ASTN1: variants seen among roughly 807,000 people sequenced by gnomAD.
ASTN1 encodes astrotactin 1.
Under a neutral mutation model 140.7 loss-of-function variants are expected in ASTN1, and 41 were observed. The observed-to-expected ratio is 0.29, with a 90% CI of 0.23 to 0.38. ASTN1 has a LOEUF of 0.38. ASTN1 is among the 10% of genes least tolerant of loss of function. ASTN1 has a pLI of 1.00. For synonymous variants in ASTN1, 640 were observed against 652.2 expected, an observed-to-expected ratio of 0.98 and a Z score of 0.29; for missense variants, 1,479 against 1,678.8, an observed-to-expected ratio of 0.88 and a Z score of 2.08.
chr1:176,891,511 AAGCC>A (rs1669265187), intron 17 of ASTN1, among the ~76,000 whole-genome samples: 1 of 152,146 alleles, frequency 6.6e-6, no homozygotes, highest in Non-Finnish European at 1.5e-5. Flanking sequence ...ATGTAGATAC[AAGCC>A]GGGCACGGTG....
At chr1:176,977,570 T>G (rs1379835313) in intron 8 of ASTN1, among the ~76,000 whole-genome samples, 2 of 152,224 alleles carry the variant, frequency 1.3e-5, no homozygotes, top group African/African-American at 4.8e-5. Context: ...ACTATGGCAT[T>G]TATTTTGTCA....
chr1:176,903,142 G>A (rs1417884133), intron 16 of ASTN1, among the ~76,000 whole-genome samples: 1 of 152,144 alleles, frequency 6.6e-6, no homozygotes, highest in African/African-American at 2.4e-5. Context: ...CTCACCATAG[G>A]CAAGGCTGGG....
chr1:176,921,220 G>T (rs1312578156), intron 16 of ASTN1, among the ~76,000 whole-genome samples: 5 of 152,074 alleles, frequency 3.3e-5, no homozygotes, highest in Non-Finnish European at 5.9e-5. Context: ...TTATATATTT[G>T]TATTTTTCCT....
intron 1 of ASTN1, among the ~76,000 whole-genome samples, chr1:177,066,158 C>T (rs1190118096): frequency 6.6e-6 from 1 of 152,204 alleles, no homozygotes; most frequent in Non-Finnish European, 1.5e-5. Flanking sequence ...CTAACCCAAA[C>T]TCCACTTCTC....
In ASTN1 at chr1:176,957,793, A is replaced by G; in HGVS notation, c.1772T>C (p.Leu591Pro). Residue 591 changes from leucine to proline, a missense_variant, in exon 11 of 23, where the codon CTG becomes CCG. Leu to Pro is a moderately conservative substitution (Grantham distance 98). This residue lies in a region of ASTN1 where 729 missense variants were observed against 860.4 expected (regional missense o/e 0.85). Transcript: ENST00000361833. ...ELMTSSSFDS[L>P]EVLLDSFGPV... ...CCCAAAGGAATCTAAGAGAACCTCC[A>G]GGCTGTCGAAGGAGGATGAAGTCAT... 1 of 1,614,010 alleles carries G rather than the reference A, an allele frequency of 6.2e-7. No homozygotes were observed. The highest frequency in any genetic ancestry group is 8.5e-7 in the Non-Finnish European group (1 of 1,179,964).
intron 1 of ASTN1, among the ~76,000 whole-genome samples, chr1:177,075,503 C>T (rs1407129028): frequency 6.6e-6 from 1 of 151,532 alleles, no homozygotes; most frequent in Admixed American, 6.6e-5. Context: ...AGAATGATAT[C>T]CCACTTTGTG....
chr1:177,050,769 T>C (rs1421917550), intron 2 of ASTN1, among the ~76,000 whole-genome samples: 2 of 152,230 alleles, frequency 1.3e-5, no homozygotes, highest in Non-Finnish European at 2.9e-5. Context: ...CTCTTAAAGA[T>C]ACGTAACAGT....
intron 5 of ASTN1, among the ~76,000 whole-genome samples, chr1:177,025,111 G>A (rs1429655845): frequency 1.3e-5 from 2 of 152,174 alleles, no homozygotes; most frequent in African/African-American, 4.8e-5. Flanking sequence ...ACCTCCCATC[G>A]CTCTTCACAG....
At chr1:176,977,876 G>A (rs1673433806) in intron 8 of ASTN1, among the ~76,000 whole-genome samples, 1 of 152,218 alleles carries the variant, frequency 6.6e-6, no homozygotes, top group Admixed American at 6.5e-5. Context: ...ACTAAGGAGA[G>A]TCACTGGGCT....
At chr1:177,077,198 G>C (rs1385500802) in intron 1 of ASTN1, among the ~76,000 whole-genome samples, 4 of 152,084 alleles carry the variant, frequency 2.6e-5, no homozygotes. Flanking sequence ...ACTCCATCAT[G>C]CAGATATCAG....
chr1:177,109,080 G>C (rs1680689568), intron 1 of ASTN1, among the ~76,000 whole-genome samples: 1 of 152,236 alleles, frequency 6.6e-6, no homozygotes, highest in South Asian at 2.1e-4. Context: ...ACTTAGAATA[G>C]ATAAAGGGAT....
At chr1:176,940,871 T>C (rs1028450777) in intron 14 of ASTN1, among the ~76,000 whole-genome samples, 11 of 152,210 alleles carry the variant, frequency 7.2e-5, no homozygotes, top group African/African-American at 2.7e-4. Context: ...AATTGCTGGC[T>C]TAAAGTGAAA....
At chr1:176,892,152 T>C (rs1557939240) in intron 17 of ASTN1, among the ~76,000 whole-genome samples, 1 of 152,166 alleles carries the variant, frequency 6.6e-6, no homozygotes, top group Non-Finnish European at 1.5e-5. Context: ...GAAGACAAAA[T>C]TGGATCATGA....
intron 1 of ASTN1, among the ~76,000 whole-genome samples, chr1:177,084,906 T>C (rs554088365): frequency 6.6e-6 from 1 of 152,270 alleles, no homozygotes; most frequent in African/African-American, 2.4e-5. Context: ...CCCACTGACA[T>C]CTGTTTCTGC....
At chr1:177,005,057 T>C (rs555061642) in intron 8 of ASTN1, among the ~76,000 whole-genome samples, 44 of 152,140 alleles carry the variant, frequency 2.9e-4, no homozygotes, top group African/African-American at 9.9e-4. Context: ...ACAGACAACC[T>C]ACAGAATGGG....
chr1:177,116,133 T>C (rs547047352), intron 1 of ASTN1, among the ~76,000 whole-genome samples: 2 of 152,304 alleles, frequency 1.3e-5, no homozygotes, highest in African/African-American at 4.8e-5. Flanking sequence ...TTTCTCTTGC[T>C]TGGGACTCCA....
chr1:176,931,071 G>A (rs1671186066), intron 16 of ASTN1, among the ~76,000 whole-genome samples: 1 of 152,148 alleles, frequency 6.6e-6, no homozygotes, highest in African/African-American at 2.4e-5. Flanking sequence ...TCTGAGGCAT[G>A]TGGGCAAAGA....
chr1:176,979,686 GAAAAC>G (rs58812922), intron 8 of ASTN1, among the ~76,000 whole-genome samples: 2 of 151,560 alleles, frequency 1.3e-5, no homozygotes, highest in African/African-American at 4.9e-5. Flanking sequence ...AAGCCCTCAG[GAAAAC>G]AAAACAAAAC....
At chr1:177,070,481 G>T (rs1678584226) in intron 1 of ASTN1, among the ~76,000 whole-genome samples, 2 of 152,160 alleles carry the variant, frequency 1.3e-5, no homozygotes, top group Admixed American at 1.3e-4. Flanking sequence ...AGAATAGCCT[G>T]TTGCCTGTCC....
Sources: allele counts gnomAD v4.1 joint callset (sites outside exome capture counted in the v4.1 genomes callset), GRCh38; gene constraint gnomAD v4.1.1; regional missense constraint gnomAD v4.1.1; transcripts MANE v1.5; gene names NCBI Gene and HGNC (gene_info 2026-07-23, HGNC 2026-07-21).